Variants in SERPINE2 observed in about 807,000 individuals in gnomAD.
SERPINE2 encodes the protein glia-derived nexin.
A neutral mutation model predicts 36.3 loss-of-function variants in SERPINE2; 14 were observed. The observed-to-expected ratio is 0.39, with a 90% CI of 0.25 to 0.60. The LOEUF is 0.60. Ranked by LOEUF, SERPINE2 falls within the 20% of genes least tolerant of loss-of-function variation. The probability of loss-of-function intolerance (pLI) is 0.57; values close to 1 mark genes in which losing one functional copy is unlikely to be tolerated. For missense variants in SERPINE2, 418 were observed against 499.6 expected (o/e 0.84, Z 1.56); for synonymous variants, 192 against 191.8 (o/e 1.00, Z -0.01).
intron 1 of SERPINE2, among the ~76,000 whole-genome samples, chr2:224,020,573 C>T (rs12478391): frequency 3.3e-5 from 5 of 152,084 alleles, no homozygotes; most frequent in East Asian, 1.9e-4. Flanking sequence ...TGCAGGAATG[C>T]GAAATGATTT....
At chr2:224,032,730 G>T (rs1351306769) in intron 1 of SERPINE2, among the ~76,000 whole-genome samples, 15 of 152,218 alleles carry the variant, frequency 9.9e-5, no homozygotes. Context: ...GCAAAAGCCT[G>T]GGTGTTCCTG....
rs199655333 is a variant in SERPINE2 at position 224,018,600 on chromosome 2, A to AT, written c.-22-16679_-22-16678insA. 5.6e-3 allele frequency among the ~76,000 whole-genome samples: 846 copies of AT among 151,912 alleles called. 9 individuals carry two copies. Among genetic ancestry groups the AT allele is most frequent in the African/African-American group, 0.019 (787 of 41,474 alleles). Reference sequence around the variant, plus strand: ...AAACACAGTACTTCTCAAAAAAAAAAAATAATAATAAAATAATAAAAGGGG... The same window carrying AT: ...AAACACAGTACTTCTCAAAAAAAAAATAATAATAATAAAATAATAAAAGGGG... On this transcript the variant is annotated intron_variant, in intron 1 of 8. Transcript: ENST00000409304.
At chr2:223,994,112 T>A (rs1690785184) in intron 3 of SERPINE2, among the ~76,000 whole-genome samples, 1 of 152,212 alleles carries the variant, frequency 6.6e-6, no homozygotes, top group Non-Finnish European at 1.5e-5. Context: ...AAGAGATGTC[T>A]CTGCTCCCGA....
At chr2:224,013,616 T>G (rs1238480713) in intron 1 of SERPINE2, among the ~76,000 whole-genome samples, 1 of 152,198 alleles carries the variant, frequency 6.6e-6, no homozygotes, top group African/African-American at 2.4e-5. Flanking sequence ...TTTAGGTTTT[T>G]CTCTCAGTGG....
intron 1 of SERPINE2, among the ~76,000 whole-genome samples, chr2:224,006,819 G>A (rs1354405949): frequency 2.6e-5 from 4 of 152,176 alleles, no homozygotes; most frequent in Non-Finnish European, 4.4e-5. Flanking sequence ...AAGAGTGGAC[G>A]TTCTAGTACT....
intron 1 of SERPINE2, among the ~76,000 whole-genome samples, chr2:224,034,425 G>A (rs762700273): frequency 1.2e-4 from 18 of 152,156 alleles, no homozygotes; most frequent in African/African-American, 1.9e-4. Context: ...TGCAGTTTAC[G>A]GGAGGTTCAG....
chr2:223,999,625 G>C (rs1195513973), intron 2 of SERPINE2, among the ~76,000 whole-genome samples: 1 of 152,238 alleles, frequency 6.6e-6, no homozygotes, highest in East Asian at 1.9e-4. Context: ...AAAACGGCCG[G>C]CTTTGGAGGC....
At chr2:224,008,832 T>C (rs1308701783) in intron 1 of SERPINE2, among the ~76,000 whole-genome samples, 6 of 152,212 alleles carry the variant, frequency 3.9e-5, no homozygotes, top group African/African-American at 1.4e-4. Flanking sequence ...CTCTGGAATA[T>C]ATCCAAATAC....
intron 1 of SERPINE2, 60 bp from the exon 2 acceptor site, chr2:224,001,982 T>TC (rs1421037202): frequency 7.0e-7 from 1 of 1,422,866 alleles, no homozygotes; most frequent in African/African-American, 1.6e-5. Context: ...TACTACTTTT[T>TC]TTTTTTTTCC....
chr2:223,988,509 G>A (rs1690526468), intron 4 of SERPINE2, among the ~76,000 whole-genome samples: 1 of 152,132 alleles, frequency 6.6e-6, no homozygotes, highest in African/African-American at 2.4e-5. Context: ...AATTTAGTAG[G>A]CAACCAAGTT....
intron 1 of SERPINE2, among the ~76,000 whole-genome samples, chr2:224,034,513 T>G (rs372909592): frequency 2.4e-4 from 37 of 152,256 alleles, no homozygotes; most frequent in African/African-American, 8.7e-4. Flanking sequence ...TTGACTCTGT[T>G]GGGTCATTAC....
chr2:224,039,242 G>A lies in SERPINE2; in HGVS notation c.-166C>T, dbSNP rs901593777. On this transcript the variant is annotated 5_prime_UTR_variant, in exon 1 of 9. Transcript: ENST00000409304. The surrounding 1 kb of genome is among the most constrained non-coding windows in gnomAD (Gnocchi z 5.2). ...AGGGTCACAGCCGGAAAGAGGCAGC[G>A]GTGGCGCCTGCAGACGCCGCGCAGC... 7 of 150,754 alleles carry A rather than the reference G, an allele frequency of 4.6e-5. No individual in the cohort carries two copies. Among genetic ancestry groups the A allele is most frequent in the Non-Finnish European group, 8.9e-5 (6 of 67,538 alleles). The allele number at this position is 150,754 out of a possible 1,614,324, so 9.3% of individuals were successfully genotyped here.
At chr2:223,982,138 T>C (rs1410896488) in intron 6 of SERPINE2, 1 of 152,132 alleles carries the variant, frequency 6.6e-6, no homozygotes, top group Non-Finnish European at 1.5e-5. Flanking sequence ...TACTACTCAG[T>C]CATAAAAAGA....
chr2:224,031,759 A>ACCCCCCCC (rs5839038), intron 1 of SERPINE2, among the ~76,000 whole-genome samples: 1 of 93,682 alleles, frequency 1.1e-5, no homozygotes, highest in Admixed American at 1.1e-4. Context: ...TCCACCCCCC[A>ACCCCCCCC]CCCCCCCCGC....
At chr2:224,024,413 C>G (rs2106194973) in intron 1 of SERPINE2, among the ~76,000 whole-genome samples, 1 of 152,344 alleles carries the variant, frequency 6.6e-6, no homozygotes, top group South Asian at 2.1e-4. Flanking sequence ...AGCTACTGAG[C>G]TTCGTCCTGT....
At chr2:224,004,360 T>C (rs374964697) in intron 1 of SERPINE2, among the ~76,000 whole-genome samples, 3 of 152,364 alleles carry the variant, frequency 2.0e-5, no homozygotes, top group South Asian at 4.1e-4. Flanking sequence ...CAAGCGCTTT[T>C]CTAAAGATTT....
At chr2:224,037,824 T>A (rs1170638762) in intron 1 of SERPINE2, among the ~76,000 whole-genome samples, 1 of 152,222 alleles carries the variant, frequency 6.6e-6, no homozygotes, top group Non-Finnish European at 1.5e-5. Flanking sequence ...GTTTTTAGAA[T>A]AAAATACGAT....
At chr2:224,031,753 C>G (rs1454584783) in intron 1 of SERPINE2, among the ~76,000 whole-genome samples, 1 of 109,242 alleles carries the variant, frequency 9.2e-6, no homozygotes, top group Non-Finnish European at 1.8e-5. Flanking sequence ...AGGATTTCCA[C>G]CCCCCACCCC....
At chr2:223,981,614 T>C (rs1690229477) in intron 6 of SERPINE2, 1 of 152,204 alleles carries the variant, frequency 6.6e-6, no homozygotes, top group Non-Finnish European at 1.5e-5. Flanking sequence ...CTGAAGCTGG[T>C]AATGAGCTAA....
Sources: allele counts gnomAD v4.1 joint callset (sites outside exome capture counted in the v4.1 genomes callset), GRCh38; gene constraint gnomAD v4.1.1; non-coding constraint Gnocchi (gnomAD v3.1); transcripts MANE v1.5; gene names NCBI Gene and HGNC (gene_info 2026-07-23, HGNC 2026-07-21).